Variants in PBX1 observed in about 807,000 individuals in gnomAD.
PBX1 encodes pre-B-cell leukemia transcription factor 1.
In PBX1, 6 loss-of-function variants were observed where a neutral mutation model predicts 53.4. That is an observed-to-expected ratio of 0.11 (90% CI 0.06 to 0.22). The LOEUF is 0.22. PBX1 is among the 10% of genes least tolerant of loss of function. The pLI, the probability that PBX1 is intolerant of heterozygous loss-of-function variation, is 1.00. For synonymous variants in PBX1, 204 were observed against 212.3 expected (o/e 0.96, Z 0.34); for missense variants, 251 against 551.4 (o/e 0.46, Z 5.46).
At chr1:164,567,948 G>T (rs551193868) in intron 2 of PBX1, among the ~76,000 whole-genome samples, 1 of 152,106 alleles carries the variant, frequency 6.6e-6, no homozygotes, top group Non-Finnish European at 1.5e-5. Context: ...GAGCTGGGCC[G>T]GGTGTGGGTG....
chr1:164,622,822 C>CTTTTTTTTTT (rs11299132), intron 2 of PBX1, among the ~76,000 whole-genome samples: 1 of 106,290 alleles, frequency 9.4e-6, no homozygotes, highest in African/African-American at 3.7e-5. Context: ...CAGTTTCCAT[C>CTTTTTTTTTT]TTTTTTTTTT....
chr1:164,627,177 A>G (rs903334006), intron 2 of PBX1, among the ~76,000 whole-genome samples: 1 of 151,938 alleles, frequency 6.6e-6, no homozygotes, highest in Non-Finnish European at 1.5e-5. Context: ...TTGTCCTTCC[A>G]CTCACCTAAT....
intron 2 of PBX1, among the ~76,000 whole-genome samples, chr1:164,878,640 C>T (rs1333695956): frequency 6.6e-6 from 1 of 151,804 alleles, no homozygotes. Context: ...AATGACATCA[C>T]CCACTAGCCC....
intron 8 of PBX1, among the ~76,000 whole-genome samples, chr1:164,824,667 C>A (rs1000682385): frequency 2.0e-5 from 3 of 151,868 alleles, no homozygotes; most frequent in Admixed American, 6.6e-5. Context: ...GCCTAAAGAC[C>A]CCCTTCCTTA....
At chr1:164,864,382 G>A (rs1455221870) in intron 2 of PBX1, among the ~76,000 whole-genome samples, 2 of 152,126 alleles carry the variant, frequency 1.3e-5, no homozygotes, top group East Asian at 3.8e-4. Flanking sequence ...GGTGAATTAC[G>A]AGCTGGTCCC....
intron 2 of PBX1, chr1:164,700,399 G>A (rs188697915): frequency 4.4e-5 from 42 of 947,162 alleles, no homozygotes; most frequent in Admixed American, 6.2e-5. Flanking sequence ...GTGAGGTTCT[G>A]TTATTTCTCC....
chr1:164,864,920 G>C (rs545235247), intron 2 of PBX1, among the ~76,000 whole-genome samples: 1 of 152,188 alleles, frequency 6.6e-6, no homozygotes, highest in African/African-American at 2.4e-5. Context: ...AAGGCAAAGA[G>C]GTTGCCAGAT....
intron 2 of PBX1, among the ~76,000 whole-genome samples, chr1:164,710,086 T>C (rs1663667422): frequency 6.6e-6 from 1 of 152,206 alleles, no homozygotes; most frequent in Non-Finnish European, 1.5e-5. Context: ...CAAATTTATG[T>C]AGAATGCTTA....
chr1:164,632,721 A>G (rs1209796858), intron 2 of PBX1, among the ~76,000 whole-genome samples: 1 of 152,192 alleles, frequency 6.6e-6, no homozygotes, highest in African/African-American at 2.4e-5. Context: ...ACTAGGAAGA[A>G]TCAGTGGTAC....
chr1:164,640,480 C>T (rs1484542668), intron 2 of PBX1, among the ~76,000 whole-genome samples: 10 of 151,408 alleles, frequency 6.6e-5, no homozygotes, highest in South Asian at 2.1e-4. Flanking sequence ...TACTGGGAAA[C>T]GATGTGATGA....
chr1:164,661,530 A>G (rs1311238448), intron 2 of PBX1, among the ~76,000 whole-genome samples: 1 of 150,988 alleles, frequency 6.6e-6, no homozygotes, highest in Non-Finnish European at 1.5e-5. Context: ...GGGTTCAAAC[A>G]ATTCTCCTGC....
At chr1:164,781,512 T>C (rs1667932132) in intron 2 of PBX1, among the ~76,000 whole-genome samples, 1 of 152,150 alleles carries the variant, frequency 6.6e-6, no homozygotes, top group Admixed American at 6.5e-5. Context: ...GTCTCACAGG[T>C]TTACAGTTTA....
intron 8 of PBX1, among the ~76,000 whole-genome samples, chr1:164,823,886 T>TA (rs1269849606): frequency 2.6e-5 from 4 of 152,172 alleles, no homozygotes; most frequent in Non-Finnish European, 5.9e-5. Flanking sequence ...ATATCAGTTT[T>TA]AAATTGTGCC....
intron 2 of PBX1, among the ~76,000 whole-genome samples, chr1:164,619,087 T>C (rs552225518): frequency 2.6e-5 from 4 of 152,088 alleles, no homozygotes; most frequent in Non-Finnish European, 4.4e-5. Flanking sequence ...CAGGGAAATT[T>C]AGGGTTAGAC....
At chr1:164,862,066 A>C (rs951844675) in intron 2 of PBX1, among the ~76,000 whole-genome samples, 2 of 152,166 alleles carry the variant, frequency 1.3e-5, no homozygotes, top group African/African-American at 4.8e-5. Flanking sequence ...GCATTATATG[A>C]CTTAAGTTTT....
intron 2 of PBX1, among the ~76,000 whole-genome samples, chr1:164,571,274 T>C (rs1331331787): frequency 6.6e-6 from 1 of 152,168 alleles, no homozygotes; most frequent in Admixed American, 6.6e-5. Flanking sequence ...TATCACAATC[T>C]AATTTTAGAA....
chr1:164,693,576 G>C (rs1004153467), intron 2 of PBX1, among the ~76,000 whole-genome samples: 1 of 152,022 alleles, frequency 6.6e-6, no homozygotes, highest in Admixed American at 6.6e-5. Context: ...ATTTTCCATC[G>C]GCAGGGGAGC....
chr1:164,730,426 G>A (rs943027638), intron 2 of PBX1, among the ~76,000 whole-genome samples: 2 of 152,134 alleles, frequency 1.3e-5, no homozygotes, highest in African/African-American at 4.8e-5. Context: ...TATGTGTGAT[G>A]AGGATGAAAC....
At chr1:164,643,477 CA>C (rs1286955142) in intron 2 of PBX1, among the ~76,000 whole-genome samples, 1 of 151,864 alleles carries the variant, frequency 6.6e-6, no homozygotes, top group Non-Finnish European at 1.5e-5. Context: ...ACACAAGAAC[CA>C]GATATGTGGC....
Sources: allele counts gnomAD v4.1 joint callset (sites outside exome capture counted in the v4.1 genomes callset), GRCh38; gene constraint gnomAD v4.1.1; transcripts MANE v1.5; gene names NCBI Gene and HGNC (gene_info 2026-07-23, HGNC 2026-07-21).